TFDP2: variants seen among roughly 807,000 people sequenced by gnomAD.
TFDP2 encodes the protein transcription factor Dp-2 (E2F dimerization partner 2).
A neutral mutation model predicts 59.3 loss-of-function variants in TFDP2; 17 were observed. The observed-to-expected ratio is 0.29, with a 90% CI of 0.20 to 0.43. TFDP2 has a LOEUF of 0.43. TFDP2 is among the 20% of genes least tolerant of loss of function. The pLI, the probability that TFDP2 is intolerant of heterozygous loss-of-function variation, is 1.00. For missense variants in TFDP2, 391 were observed against 528.8 expected (o/e 0.74, Z 2.56); for synonymous variants, 180 against 194.7 (o/e 0.92, Z 0.63).
Position 141,952,645 on chromosome 3 carries a change from C to T in TFDP2, c.1209G>A (p.Gln403=). The T allele has an allele frequency of 6.2e-7, 1 of 1,600,602 alleles. No individual in the cohort carries two copies. ...LDAEVALATG[Q]FLAPNSHQSS... ...ACTGGTGACTGTTTGGGGCCAGGAA[C>T]TGCCCAGTTGCTAAGGCCACTTCTG... The change falls in exon 13 of 13, where the codon CAG becomes CAA. Residue 403 remains glutamine (Q), a synonymous_variant. Coordinates refer to ENST00000489671, the MANE Select transcript of TFDP2 (RefSeq NM_001178139.2).
intron 3 of TFDP2, among the ~76,000 whole-genome samples, chr3:142,025,415 A>T (rs1487710037): frequency 6.6e-6 from 1 of 152,250 alleles, no homozygotes; most frequent in Non-Finnish European, 1.5e-5. Flanking sequence ...TTGAAGGGCT[A>T]GGAGTCCAAA....
chr3:142,061,986 C>G (rs2059931420), intron 3 of TFDP2, among the ~76,000 whole-genome samples: 1 of 150,684 alleles, frequency 6.6e-6, no homozygotes, highest in African/African-American at 2.4e-5. Flanking sequence ...TACAGGTACA[C>G]TTATACACAG....
At chr3:142,079,190 C>G (rs1320935329) in intron 3 of TFDP2, among the ~76,000 whole-genome samples, 1 of 152,008 alleles carries the variant, frequency 6.6e-6, no homozygotes, top group Non-Finnish European at 1.5e-5. Context: ...GTAATCCCAG[C>G]TACTCAGAAG....
At chr3:142,099,033 T>C (rs1414560474) in intron 2 of TFDP2, among the ~76,000 whole-genome samples, 2 of 152,208 alleles carry the variant, frequency 1.3e-5, no homozygotes, top group African/African-American at 4.8e-5. Context: ...AAAAAAACTG[T>C]TGTCATCAGA....
intron 3 of TFDP2, among the ~76,000 whole-genome samples, chr3:142,023,698 G>A (rs1036415348): frequency 6.6e-6 from 1 of 152,152 alleles, no homozygotes; most frequent in Non-Finnish European, 1.5e-5. Context: ...CTACTTGAGG[G>A]CTATTACTGA....
At chr3:142,070,204 G>A (rs1163941696) in intron 3 of TFDP2, among the ~76,000 whole-genome samples, 1 of 152,166 alleles carries the variant, frequency 6.6e-6, no homozygotes, top group Non-Finnish European at 1.5e-5. Flanking sequence ...ACCGCACCTG[G>A]CCCAAACTTC....
intron 4 of TFDP2, among the ~76,000 whole-genome samples, chr3:141,996,665 GGAAA>G (rs1283550479): frequency 6.6e-6 from 1 of 152,156 alleles, no homozygotes; most frequent in Non-Finnish European, 1.5e-5. Context: ...TGCATTTGAA[GGAAA>G]GAGTCAAACA....
intron 2 of TFDP2, among the ~76,000 whole-genome samples, chr3:142,099,235 A>C (rs1011217799): frequency 1.1e-4 from 16 of 152,208 alleles, no homozygotes; most frequent in African/African-American, 3.6e-4. Context: ...TCATCAGGAT[A>C]ACTCTTTTCT....
rs77982841 is a variant in TFDP2, at chr3:142,051,751, G to A, written c.82+41310C>T. Among the ~76,000 whole-genome samples, 1,475 of 152,194 alleles carry A rather than the reference G, an allele frequency of 9.7e-3. 12 individuals are homozygous for A. The highest frequency in any genetic ancestry group is 0.042 in the East Asian group (215 of 5,174). ...TGGGAAATGATAATCTTTTTTGACTGGTTGTTGCTGGAATGATTGGATATT... is the reference window on the plus strand; with the variant it reads ...TGGGAAATGATAATCTTTTTTGACTAGTTGTTGCTGGAATGATTGGATATT... On this transcript the variant is annotated intron_variant, in intron 3 of 12. Coordinates refer to ENST00000489671, the MANE Select transcript of TFDP2 (RefSeq NM_001178139.2).
intron 3 of TFDP2, among the ~76,000 whole-genome samples, chr3:142,018,925 G>GT (rs1945358371): frequency 1.1e-5 from 1 of 92,960 alleles, no homozygotes; most frequent in Admixed American, 1.3e-4. Context: ...TTGGTTTTTG[G>GT]TGAGTTTTTT....
At chr3:142,038,098 A>G (rs1029499648) in intron 3 of TFDP2, among the ~76,000 whole-genome samples, 12 of 152,168 alleles carry the variant, frequency 7.9e-5, no homozygotes, top group Non-Finnish European at 1.3e-4. Flanking sequence ...AAGAAGAAGT[A>G]GAAGGGCCAG....
chr3:142,029,485 T>C (rs1402189084), intron 3 of TFDP2, among the ~76,000 whole-genome samples: 1 of 151,950 alleles, frequency 6.6e-6, no homozygotes, highest in Admixed American at 6.6e-5. Flanking sequence ...AATGACTAAT[T>C]AAATATACAT....
intron 9 of TFDP2, among the ~76,000 whole-genome samples, chr3:141,968,717 T>G (rs1938831660): frequency 9.2e-6 from 1 of 108,922 alleles, no homozygotes; most frequent in African/African-American, 3.9e-5. Context: ...ATCTCATATA[T>G]AGATATATAT....
rs866375733 is a variant in TFDP2 at position 141,968,401 on chromosome 3, A to C, written c.732+1672T>G. ...TATATCTCATATATATAACATATAT[A>C]TCATATATATAACATATATATCTCA... On this transcript the variant is annotated intron_variant, in intron 9 of 12. Transcript: ENST00000489671. Among the ~76,000 whole-genome samples the C allele has an allele frequency of 2.9e-4, 32 of 109,618 alleles. 3 individuals carry two copies. The highest frequency in any genetic ancestry group is 7.5e-4 in the South Asian group (3 of 4,000). 71.9% of individuals were successfully genotyped at this position (109,618 alleles called of 152,430 possible).
rs78741276 is a variant in TFDP2, at chr3:141,956,758, C to CA, written c.1051+2915dup. On this transcript the variant is annotated intron_variant, in intron 11 of 12. Coordinates refer to ENST00000489671, the MANE Select transcript of TFDP2 (RefSeq NM_001178139.2). ...AAAACCCCATCTCTACCAAACATAT[C>CA]AAAAAAAAAAAAAAGATTTAACCGG... Among the ~76,000 whole-genome samples, 703 of 130,550 alleles carry CA rather than the reference C, an allele frequency of 5.4e-3. 3 individuals carry two copies. The highest frequency in any genetic ancestry group is 0.013 in the African/African-American group (452 of 35,484). 85.6% of individuals were successfully genotyped at this position (130,550 alleles called of 152,430 possible). A position where few individuals can be genotyped will look rare whatever the true frequency, so the allele number is the denominator to read the frequency against.
At chr3:142,044,334 C>A in intron 3 of TFDP2, 1 of 195,460 alleles carries the variant, frequency 5.1e-6, no homozygotes, top group East Asian at 1.5e-4. Flanking sequence ...CCCCCGGATT[C>A]AAGTGAATCT....
intron 3 of TFDP2, among the ~76,000 whole-genome samples, chr3:142,035,272 G>T (rs1400352353): frequency 6.6e-6 from 1 of 152,164 alleles, no homozygotes; most frequent in Non-Finnish European, 1.5e-5. Context: ...AAAACTTTCA[G>T]TAGTTCCTGC....
chr3:142,142,319 T>A (rs112445486), intron 1 of TFDP2, among the ~76,000 whole-genome samples: 1 of 152,146 alleles, frequency 6.6e-6, no homozygotes, highest in African/African-American at 2.4e-5. Context: ...CAGTGAACAA[T>A]GTGAAAAAGA....
rs942234941 is a variant in TFDP2 at position 142,149,506 on chromosome 3, C to A, written c.-416G>T. The A allele has an allele frequency of 2.9e-6, 1 of 341,784 alleles. No homozygotes were observed. The highest frequency in any genetic ancestry group is 4.4e-5 in the East Asian group (1 of 22,956). The allele number at this position is 341,784 out of a possible 1,614,324, so 21.2% of individuals were successfully genotyped here. ...TCCCTGCCCAGCTACAGCCCCGCTT[C>A]CCCCGCGCGAGCTTTGGCGGCGGAG... On this transcript the variant is annotated 5_prime_UTR_variant, in exon 1 of 13. Transcript: ENST00000489671.
Sources: gnomAD v4.1 joint callset for allele counts (sites outside exome capture counted in the v4.1 genomes callset) on GRCh38, gnomAD v4.1.1 for gene constraint, MANE v1.5 for transcripts, NCBI Gene and HGNC (gene_info 2026-07-23, HGNC 2026-07-21) for gene names.